The following ATP5MC2 variants were observed in gnomAD, a reference collection of about 807,000 sequenced individuals.
ATP5MC2 encodes ATP synthase membrane subunit c locus 2.
ATP5MC2 carries 11 observed loss-of-function variants against 13.5 expected under a neutral mutation model. The ratio of observed to expected loss-of-function variants is 0.81; its 90% CI spans 0.51 to 1.35. The LOEUF is 1.35. Among genes scored for constraint, ATP5MC2 ranks in the 40% most tolerant of loss-of-function variants. The pLI, the probability that ATP5MC2 is intolerant of heterozygous loss-of-function variation, is 0.00. For synonymous variants in ATP5MC2, 64 were observed against 69.7 expected, an observed-to-expected ratio of 0.92 and a Z score of 0.41; for missense variants, 132 against 175.0, an observed-to-expected ratio of 0.75 and a Z score of 1.39.
At chr12:53,665,473 A>C in intron 4 of ATP5MC2, 45 bp from the exon 5 acceptor site, 1 of 1,447,104 alleles carries the variant, frequency 6.9e-7, no homozygotes, top group Non-Finnish European at 9.7e-7. Flanking sequence ...AGTTCACACA[A>C]AGAAAAGGAT....
chr12:53,667,956 CATATATATATATATATATATATAT>C lies in ATP5MC2; in HGVS notation c.311+1168_311+1191del, dbSNP rs772110168. On this transcript the variant is annotated intron_variant, in intron 4 of 4. Transcript: ENST00000394349. The stretch of plus-strand genomic sequence containing the variant: ...TCTAATACATACATACATACACACA[CATATATATATATATATATATATAT>C]ATATATATATATATAAATTTTTTTT... Among the ~76,000 whole-genome samples the C allele has an allele frequency of 2.6e-3, 178 of 67,368 alleles. 5 individuals carry two copies. The South Asian group carries it at 0.034, about 13-fold the overall frequency. The allele number at this position is 67,368 out of a possible 152,430, so 44.2% of individuals were successfully genotyped here.
intron 1 of ATP5MC2, 147 bp downstream of exon 1, chr12:53,675,906 T>C: frequency 7.8e-7 from 1 of 1,281,184 alleles, no homozygotes; most frequent in Non-Finnish European, 1.1e-6. Flanking sequence ...AAGAGCCAAC[T>C]CTAAGGCTAA....
At chr12:53,680,920 G>C (rs917648573), upstream of ATP5MC2, among the ~76,000 whole-genome samples, 4 of 151,810 alleles carry the variant, frequency 2.6e-5, no homozygotes, top group African/African-American at 4.8e-5. Flanking sequence ...TTATTTTTGT[G>C]GGGGAGGTGG....
At chr12:53,676,309 G>GC, upstream of ATP5MC2, 1 of 1,474,276 alleles carries the variant, frequency 6.8e-7, no homozygotes, top group Non-Finnish European at 9.1e-7. Flanking sequence ...CGCGGAGTAA[G>GC]CCGATCCGTA....
chr12:53,676,031 G>A (rs1442058653), intron 1 of ATP5MC2, 22 bp downstream of exon 1: 2 of 1,611,392 alleles, frequency 1.2e-6, no homozygotes, highest in Admixed American at 1.7e-5. Flanking sequence ...CGCACAGAGG[G>A]CTCTAGGTCC....
At chr12:53,665,505 G>A in intron 4 of ATP5MC2, 77 bp from the exon 5 acceptor site, 1 of 1,164,848 alleles carries the variant, frequency 8.6e-7, no homozygotes, top group Non-Finnish European at 1.3e-6. Context: ...ATGGGCTCAG[G>A]GAGAATCCCC....
upstream of ATP5MC2, among the ~76,000 whole-genome samples, chr12:53,680,673 TAAAAA>T (rs1470375309): frequency 1.4e-5 from 2 of 144,886 alleles, no homozygotes; most frequent in East Asian, 4.1e-4. Flanking sequence ...CTACAAAAAA[TAAAAA>T]CAAAATGTTT....
At chr12:53,678,186 T>C (rs1945317598), upstream of ATP5MC2, among the ~76,000 whole-genome samples, 1 of 152,260 alleles carries the variant, frequency 6.6e-6, no homozygotes, top group Non-Finnish European at 1.5e-5. Flanking sequence ...GCTAGCTGTT[T>C]AACCCCCTCT....
chr12:53,666,058 A>T (rs1321317883), intron 4 of ATP5MC2, among the ~76,000 whole-genome samples: 1 of 152,256 alleles, frequency 6.6e-6, no homozygotes, highest in African/African-American at 2.4e-5. Flanking sequence ...CTGTAATCCC[A>T]GCACTTTGGG....
chr12:53,669,895 T>C lies in ATP5MC2; in HGVS notation c.93A>G (p.Lys31=), dbSNP rs560731277. ...LSRPLSAVVL[K]RPEILTDESL... ...CCTCATCTGTCAGTATCTCCGGTCG[T>C]TTCAGCACCACTGCAGATAGCGGAC... Residue 31 remains lysine, a synonymous_variant, in exon 3 of 5, where the codon AAA becomes AAG. Transcript: ENST00000394349. The C allele has an allele frequency of 6.2e-7, 1 of 1,614,060 alleles. No homozygotes were observed.
intron 1 of ATP5MC2, among the ~76,000 whole-genome samples, chr12:53,674,821 C>T (rs1206512867): frequency 6.6e-6 from 1 of 152,180 alleles, no homozygotes; most frequent in East Asian, 1.9e-4. Context: ...CTATATGTAA[C>T]TCTAACCCAA....
At chr12:53,680,768 G>C (rs900529674), upstream of ATP5MC2, among the ~76,000 whole-genome samples, 1 of 152,098 alleles carries the variant, frequency 6.6e-6, no homozygotes, top group Admixed American at 6.5e-5. Flanking sequence ...CATATATTTT[G>C]AGCATCTCCT....
intron 2 of ATP5MC2, among the ~76,000 whole-genome samples, chr12:53,671,691 G>A (rs562537375): frequency 6.6e-6 from 1 of 152,278 alleles, no homozygotes; most frequent in East Asian, 1.9e-4. Flanking sequence ...CTTGATCTTG[G>A]TCTAGATTCT....
chr12:53,680,947 C>T (rs925130933), upstream of ATP5MC2, among the ~76,000 whole-genome samples: 2 of 152,004 alleles, frequency 1.3e-5, no homozygotes, highest in African/African-American at 4.8e-5. Flanking sequence ...GCTCTTGTCG[C>T]CCATGCTGGA....
intron 1 of ATP5MC2, among the ~76,000 whole-genome samples, chr12:53,675,209 C>T (rs1402791132): frequency 1.3e-5 from 2 of 152,110 alleles, no homozygotes; most frequent in African/African-American, 4.8e-5. Flanking sequence ...CTTAACTATT[C>T]CTTTCCTTAA....
At chr12:53,676,323 T>TGGACTGGGGTTTGGTCTGTACCGC, upstream of ATP5MC2, 1 of 1,392,890 alleles carries the variant, frequency 7.2e-7, no homozygotes, top group African/African-American at 1.4e-5. Flanking sequence ...ATCCGTAACG[T>TGGACTGGGGTTTGGTCTGTACCGC]GGACTGCGGT....
At chr12:53,676,178 G>A, upstream of ATP5MC2, 1 of 1,614,204 alleles carries the variant, frequency 6.2e-7, no homozygotes, top group Non-Finnish European at 8.5e-7. Flanking sequence ...CAACATACAG[G>A]ATCAGCTCAG....
In ATP5MC2 at chr12:53,667,956, C is replaced by CATATATATATATATATATATATATAT. The variant is rs772110168; in HGVS notation, c.311+1166_311+1191dup. Among the ~76,000 whole-genome samples, 6 of 67,368 alleles carry CATATATATATATATATATATATATAT rather than the reference C, an allele frequency of 8.9e-5. 1 individual carries two copies. Among genetic ancestry groups the CATATATATATATATATATATATATAT allele is most frequent in the Non-Finnish European group, 1.2e-4 (4 of 32,050 alleles). 44.2% of individuals were successfully genotyped at this position (67,368 alleles called of 152,430 possible). On this transcript the variant is annotated intron_variant, in intron 4 of 4. Coordinates refer to ENST00000394349, the MANE Select transcript of ATP5MC2 (RefSeq NM_005176.7). ...TCTAATACATACATACATACACACA[C>CATATATATATATATATATATATATAT]ATATATATATATATATATATATATA...
intron 2 of ATP5MC2, 90 bp downstream of exon 2, chr12:53,672,486 C>T (rs1945130079): frequency 1.5e-5 from 21 of 1,372,974 alleles, no homozygotes; most frequent in South Asian, 1.1e-4. Flanking sequence ...CCTCCTCTCC[C>T]CCAGCCTTGC....
Sources: allele counts gnomAD v4.1 joint callset (sites outside exome capture counted in the v4.1 genomes callset), GRCh38; gene constraint gnomAD v4.1.1; transcripts MANE v1.5; gene names NCBI Gene and HGNC (gene_info 2026-07-23, HGNC 2026-07-21).